The following ARMC2 variants were observed in gnomAD, a reference collection of about 807,000 sequenced individuals.
ARMC2 encodes the protein armadillo repeat-containing protein 2.
In ARMC2, 67 loss-of-function variants were observed where a neutral mutation model predicts 90.3. The observed-to-expected ratio is 0.74, with a 90% CI of 0.61 to 0.91. The LOEUF (loss-of-function observed/expected upper bound fraction) is 0.91, where lower values mean the gene tolerates loss of function less well. ARMC2 is among the 40% of genes least tolerant of loss of function. The probability of loss-of-function intolerance (pLI) is 0.00; values close to 1 mark genes in which losing one functional copy is unlikely to be tolerated. For synonymous variants in ARMC2, 393 were observed against 393.0 expected (o/e 1.00, Z 0.00); for missense variants, 920 against 1,030.9 (o/e 0.89, Z 1.47).
chr6:109,028,277 A>G, the ARMC2 span, among the ~76,000 whole-genome samples: 1 of 152,224 alleles, frequency 6.6e-6, no homozygotes, highest in Non-Finnish European at 1.5e-5. Context: ...GGTGAAGGGC[A>G]TTCACTTTTT....
intron 6 of ARMC2, among the ~76,000 whole-genome samples, chr6:108,895,035 G>A (rs1454403767): frequency 3.3e-5 from 5 of 149,962 alleles, no homozygotes; most frequent in Non-Finnish European, 7.4e-5. Flanking sequence ...CAAAGTGCTG[G>A]GATTACAGGG....
At chr6:108,995,619 T>C in the ARMC2 span, among the ~76,000 whole-genome samples, 1 of 152,150 alleles carries the variant, frequency 6.6e-6, no homozygotes, top group Non-Finnish European at 1.5e-5. Context: ...ATAAAATGAA[T>C]ATATTAAGAA....
chr6:108,862,899 A>G (rs1382326185), intron 3 of ARMC2, among the ~76,000 whole-genome samples: 1 of 152,188 alleles, frequency 6.6e-6, no homozygotes, highest in African/African-American at 2.4e-5. Flanking sequence ...TACATTGAGC[A>G]GATTAGCTCA....
intron 3 of ARMC2, among the ~76,000 whole-genome samples, chr6:108,867,338 G>GT (rs375264182): frequency 3.7e-4 from 57 of 152,008 alleles, no homozygotes; most frequent in African/African-American, 1.2e-3. Context: ...TGGTGCAGGT[G>GT]TTTTTTTTAA....
intron 16 of ARMC2, among the ~76,000 whole-genome samples, 195 bp from the exon 17 acceptor site, chr6:108,964,785 G>A (rs1203457929): frequency 6.7e-6 from 1 of 150,024 alleles, no homozygotes; most frequent in African/African-American, 2.5e-5. Flanking sequence ...GTGAGACTCT[G>A]TCTCAAAAAA....
chr6:108,867,231 AG>A (rs1261315499), intron 3 of ARMC2, among the ~76,000 whole-genome samples: 1 of 152,228 alleles, frequency 6.6e-6, no homozygotes, highest in African/African-American at 2.4e-5. Context: ...TAAGACCACC[AG>A]GCAACTGTAA....
At chr6:108,967,594 A>G (rs943497242) in intron 17 of ARMC2, among the ~76,000 whole-genome samples, 2 of 152,152 alleles carry the variant, frequency 1.3e-5, no homozygotes, top group African/African-American at 2.4e-5. Context: ...ATGACATAGA[A>G]TTGGCATTTC....
the ARMC2 span, among the ~76,000 whole-genome samples, chr6:109,040,414 T>C: frequency 6.6e-6 from 1 of 152,196 alleles, no homozygotes. Context: ...GGACTTCTGA[T>C]TTCTCTGTCA....
chr6:108,855,464 G>C (rs1774472039), intron 2 of ARMC2, among the ~76,000 whole-genome samples: 1 of 151,936 alleles, frequency 6.6e-6, no homozygotes, highest in Non-Finnish European at 1.5e-5. Flanking sequence ...TGTTTGCCAG[G>C]ATGGTCTTGA....
chr6:108,956,094 G>A (rs1359973716), intron 13 of ARMC2, among the ~76,000 whole-genome samples: 1 of 152,194 alleles, frequency 6.6e-6, no homozygotes, highest in East Asian at 1.9e-4. Flanking sequence ...GGATCTAGCA[G>A]AAGCCTGAAA....
Position 108,854,456 on chromosome 6 carries a change from A to G in ARMC2, c.189A>G (p.Thr63=). The change falls in exon 2 of 18, where the codon ACA becomes ACG. Residue 63 remains threonine (T), a synonymous_variant. Transcript: ENST00000392644. ...RKLFGPASSR[T]SENRPPSSFS... is the part of the protein sequence containing the mutation. ...TATTCGGACCTGCATCCTCAAGAAC[A>G]TCAGAAAATAGACCTCCTTCCTCCT... 1 of 1,613,774 alleles carries G rather than the reference A, an allele frequency of 6.2e-7. No individual in the cohort carries two copies. Among genetic ancestry groups the G allele is most frequent in the East Asian group, 2.2e-5 (1 of 44,822 alleles).
In ARMC2 at chr6:108,928,173, C is replaced by T. The variant is rs758099791; in HGVS notation, c.1436C>T (p.Thr479Met). ...LNISALPQLC[T>M]AMEQYKGDKD... ...ATCAGTGCCCTTCCCCAGCTCTGCACGGCAATGGAACAGTACAAGGGTGAC... is the reference window on the plus strand; with the variant it reads ...ATCAGTGCCCTTCCCCAGCTCTGCATGGCAATGGAACAGTACAAGGGTGAC... The change falls in exon 11 of 18, where the codon ACG (threonine) becomes ATG (methionine). Residue 479 changes from threonine to methionine, a missense_variant. Transcript: ENST00000392644. 9.3e-6 allele frequency: 15 copies of T among 1,612,536 alleles called. 1 individual carries two copies. The highest frequency in any genetic ancestry group is 8.4e-5 in the Admixed American group (5 of 59,662).
intron 5 of ARMC2, among the ~76,000 whole-genome samples, chr6:108,891,021 T>C (rs988001661): frequency 3.4e-4 from 52 of 151,798 alleles, no homozygotes; most frequent in African/African-American, 1.2e-3. Context: ...TTTTCTGTTC[T>C]TGTGTTTGCT....
chr6:109,001,369 T>A, the ARMC2 span: 1 of 1,613,840 alleles, frequency 6.2e-7, no homozygotes, highest in Non-Finnish European at 8.5e-7. Context: ...TTAAGAAACT[T>A]TCTAAATATT....
intron 5 of ARMC2, among the ~76,000 whole-genome samples, 194 bp downstream of exon 5, chr6:108,876,544 A>G (rs963020235): frequency 3.9e-5 from 6 of 152,168 alleles, no homozygotes; most frequent in African/African-American, 1.4e-4. Context: ...CTTATATAAT[A>G]CTCAAGAACA....
intron 11 of ARMC2, among the ~76,000 whole-genome samples, chr6:108,929,829 C>T (rs1375616539): frequency 2.0e-5 from 3 of 152,118 alleles, no homozygotes. Context: ...AACTCTTGGT[C>T]AGGCACAGTG....
chr6:108,952,235 AAC>A (rs1274928476), intron 12 of ARMC2, among the ~76,000 whole-genome samples: 5 of 152,248 alleles, frequency 3.3e-5, no homozygotes, highest in African/African-American at 1.2e-4. Flanking sequence ...TCAAACTAAA[AAC>A]ACAGTGATTT....
chr6:108,938,065 T>G (rs1776108696), intron 12 of ARMC2, among the ~76,000 whole-genome samples: 1 of 152,226 alleles, frequency 6.6e-6, no homozygotes, highest in Non-Finnish European at 1.5e-5. Flanking sequence ...TTTATTCACT[T>G]TCATAAGTTA....
At chr6:108,962,495 G>C (rs1778068336) in intron 15 of ARMC2, among the ~76,000 whole-genome samples, 1 of 152,198 alleles carries the variant, frequency 6.6e-6, no homozygotes, top group Non-Finnish European at 1.5e-5. Flanking sequence ...CCTCAACAGA[G>C]AAGAGGACAA....
Sources: allele counts gnomAD v4.1 joint callset (sites outside exome capture counted in the v4.1 genomes callset), GRCh38; gene constraint gnomAD v4.1.1; transcripts MANE v1.5; gene names NCBI Gene and HGNC (gene_info 2026-07-23, HGNC 2026-07-21).